Variants in PRKN observed in about 807,000 individuals in gnomAD.
PRKN encodes the protein parkin RBR E3 ubiquitin protein ligase.
A neutral mutation model predicts 59.5 loss-of-function variants in PRKN; 56 were observed. The ratio of observed to expected loss-of-function variants is 0.94; its 90% CI spans 0.76 to 1.18. The LOEUF (loss-of-function observed/expected upper bound fraction) is 1.18, where lower values mean the gene tolerates loss of function less well. Ranked by LOEUF, PRKN falls within the 50% of genes most tolerant of loss-of-function variation. PRKN has a pLI of 0.00. For missense variants in PRKN, 657 were observed against 596.4 expected (o/e 1.10, Z -1.06); for synonymous variants, 250 against 222.1 (o/e 1.13, Z -1.12).
intron 9 of PRKN, among the ~76,000 whole-genome samples, chr6:161,542,819 T>A (rs903380529): frequency 6.6e-6 from 1 of 152,194 alleles, no homozygotes; most frequent in Non-Finnish European, 1.5e-5. Context: ...CAGTTAGTCA[T>A]CCTGAGAAAC....
chr6:161,879,537 G>A (rs1343016016), intron 6 of PRKN, among the ~76,000 whole-genome samples: 2 of 151,936 alleles, frequency 1.3e-5, no homozygotes, highest in African/African-American at 2.4e-5. Context: ...GAGTAGAGAC[G>A]AGGTTTCACC....
chr6:162,036,338 C>T (rs979895690), intron 5 of PRKN, among the ~76,000 whole-genome samples: 17 of 151,524 alleles, frequency 1.1e-4, no homozygotes, highest in Admixed American at 8.5e-4. Flanking sequence ...CAAAACAAAA[C>T]AAAATAAAGA....
chr6:162,391,624 T>C (rs73786286), intron 2 of PRKN, among the ~76,000 whole-genome samples: 4,361 of 152,200 alleles, frequency 0.029, 88 homozygotes, highest in African/African-American at 0.06. Flanking sequence ...TCCTGGAAGA[T>C]AATTTTCTTA....
intron 7 of PRKN, among the ~76,000 whole-genome samples, chr6:161,749,608 G>T (rs1440881679): frequency 2.0e-5 from 3 of 151,996 alleles, no homozygotes; most frequent in Non-Finnish European, 2.9e-5. Context: ...CATTAAGAGG[G>T]AAAAAGAAAA....
Position 161,552,946 on chromosome 6 carries a change from ACACC to A in PRKN, c.934-3947_934-3944del, listed in dbSNP as rs1780096509. On this transcript the variant is annotated intron_variant, in intron 8 of 11. Transcript: ENST00000366898. This position sits in a 1 kb window ranked among gnomAD's most constrained non-coding sequence, Gnocchi z 4.9. Reference sequence around the variant, plus strand: ...GCTGGGACTACAGGTGTGTACCACCACACCCAGCTAGCTTTTGTATTTTTAGTAG... The same window carrying A: ...GCTGGGACTACAGGTGTGTACCACCACAGCTAGCTTTTGTATTTTTAGTAG... Among the ~76,000 whole-genome samples, 1 of 152,028 alleles carries A rather than the reference ACACC, an allele frequency of 6.6e-6. No individual in the cohort carries two copies. Among genetic ancestry groups the A allele is most frequent in the South Asian group, 2.1e-4 (1 of 4,816 alleles).
chr6:161,912,405 G>A (rs1778396911), intron 6 of PRKN, among the ~76,000 whole-genome samples: 1 of 151,634 alleles, frequency 6.6e-6, no homozygotes, highest in African/African-American at 2.4e-5. Context: ...CAAAAGGCAT[G>A]CCCCTGTACC....
rs1777745770 is a variant in PRKN at position 161,898,447 on chromosome 6, C to CTTCACAACAG, written c.734+74845_734+74854dup. On this transcript the variant is annotated intron_variant, in intron 6 of 11. Transcript: ENST00000366898. ...TTCATCTACATAATTTTTATGTACA[C>CTTCACAACAG]TTCACAACAGTTCTCCAAATGGATA... 2.0e-5 allele frequency among the ~76,000 whole-genome samples: 3 copies of CTTCACAACAG among 152,290 alleles called. No individual in the cohort carries two copies. In the South Asian group the frequency reaches 6.2e-4, roughly 32 times the overall value.
chr6:161,719,025 G>T (rs1216413610), intron 7 of PRKN, among the ~76,000 whole-genome samples: 1 of 152,076 alleles, frequency 6.6e-6, no homozygotes, highest in African/African-American at 2.4e-5. Context: ...TGATTACAAA[G>T]ACTTTCTTAT....
chr6:162,467,635 A>C (rs929056450), intron 1 of PRKN, among the ~76,000 whole-genome samples: 8 of 151,932 alleles, frequency 5.3e-5, no homozygotes, highest in Non-Finnish European at 1.2e-4. Context: ...TCAGAACAGG[A>C]CTCCCAAAGG....
intron 2 of PRKN, among the ~76,000 whole-genome samples, chr6:162,387,577 G>C (rs1025615130): frequency 2.7e-3 from 396 of 148,538 alleles, no homozygotes; most frequent in Non-Finnish European, 3.5e-3. Context: ...GAGAGAGAGA[G>C]AGAGAGAGAG....
chr6:162,572,525 A>G (rs1780380143), intron 1 of PRKN, among the ~76,000 whole-genome samples: 1 of 152,200 alleles, frequency 6.6e-6, no homozygotes, highest in Non-Finnish European at 1.5e-5. Flanking sequence ...GGCCAGGTGT[A>G]GACAGACATC....
chr6:161,995,353 C>T (rs1236789671), intron 5 of PRKN, among the ~76,000 whole-genome samples: 1 of 152,012 alleles, frequency 6.6e-6, no homozygotes, highest in Non-Finnish European at 1.5e-5. Flanking sequence ...GGACATTGGT[C>T]TAGGCAAAGA....
At position 162,420,111 on chromosome 6, in the gene PRKN, C is replaced by T. The variant is rs142436912; in HGVS notation, c.171+23199G>A. Among the ~76,000 whole-genome samples the T allele has an allele frequency of 2.0e-3, 304 of 151,904 alleles. 1 individual carries two copies. Among genetic ancestry groups the T allele is most frequent in the African/African-American group, 7.0e-3 (291 of 41,396 alleles). On this transcript the variant is annotated intron_variant, in intron 2 of 11. Coordinates refer to ENST00000366898, the MANE Select transcript of PRKN (RefSeq NM_004562.3). ...ATAATGGAATAATTATACAGCTCACCATAATGTAGAGTCAGTGGGAGCTGT... is the reference window on the plus strand; with the variant it reads ...ATAATGGAATAATTATACAGCTCACTATAATGTAGAGTCAGTGGGAGCTGT...
chr6:162,613,344 G>A (rs1471411258), intron 1 of PRKN, among the ~76,000 whole-genome samples: 1 of 152,134 alleles, frequency 6.6e-6, no homozygotes, highest in African/African-American at 2.4e-5. Flanking sequence ...TTTAATTTAA[G>A]GGAATTTGTG....
intron 7 of PRKN, among the ~76,000 whole-genome samples, chr6:161,754,496 G>A (rs1007179885): frequency 1.3e-5 from 2 of 152,124 alleles, no homozygotes; most frequent in Non-Finnish European, 2.9e-5. Context: ...CTTGTGGGAG[G>A]CTGCGGTGCG....
chr6:161,942,664 G>A (rs1779609264), intron 6 of PRKN, among the ~76,000 whole-genome samples: 2 of 152,106 alleles, frequency 1.3e-5, no homozygotes, highest in Non-Finnish European at 2.9e-5. Flanking sequence ...TACCTGAAAT[G>A]AAAAAACTCA....
intron 7 of PRKN, chr6:161,716,081 C>A (rs1310831413): frequency 1.5e-6 from 2 of 1,343,696 alleles, no homozygotes; most frequent in East Asian, 4.6e-5. Context: ...TTACCGACTC[C>A]TCTCCTGAAT....
chr6:162,568,138 GA>G (rs752755046), intron 1 of PRKN, among the ~76,000 whole-genome samples: 2 of 152,116 alleles, frequency 1.3e-5, no homozygotes, highest in South Asian at 4.1e-4. Flanking sequence ...AAATTAAATA[GA>G]AAACCTCAAA....
At chr6:162,182,324 C>T (rs890588533) in intron 4 of PRKN, among the ~76,000 whole-genome samples, 1 of 152,148 alleles carries the variant, frequency 6.6e-6, no homozygotes, top group African/African-American at 2.4e-5. Flanking sequence ...AGGAGAAATG[C>T]TGTATTCAGA....
Sources: allele counts gnomAD v4.1 joint callset (sites outside exome capture counted in the v4.1 genomes callset), GRCh38; gene constraint gnomAD v4.1.1; non-coding constraint Gnocchi (gnomAD v3.1); transcripts MANE v1.5; gene names NCBI Gene and HGNC (gene_info 2026-07-23, HGNC 2026-07-21).